The following KDM4C variants were observed in gnomAD, a reference collection of about 807,000 sequenced individuals.
The protein encoded by KDM4C is lysine demethylase 4C.
A neutral mutation model predicts 129.3 loss-of-function variants in KDM4C; 81 were observed. That is an observed-to-expected ratio of 0.63 (90% CI 0.52 to 0.75). The LOEUF (loss-of-function observed/expected upper bound fraction) is 0.75. KDM4C is among the 30% of genes least tolerant of loss of function. The probability of loss-of-function intolerance (pLI) is 0.00; values close to 1 mark genes in which losing one functional copy is unlikely to be tolerated. For synonymous variants in KDM4C, 573 were observed against 456.1 expected (o/e 1.26, Z -3.26); for missense variants, 1,457 against 1,304.0 (o/e 1.12, Z -1.81).
At position 7,102,427 on chromosome 9, in the gene KDM4C, C is replaced by T. The variant is rs148326036; in HGVS notation, c.2425-1258C>T. Among the ~76,000 whole-genome samples the T allele has an allele frequency of 5.0e-3, 732 of 146,872 alleles. 10 individuals are homozygous for T. The highest frequency in any genetic ancestry group is 0.017 in the African/African-American group (685 of 39,742). ...GAGATTCGTGTTGTAAAGAATCACT[C>T]GGGCAGCTTTGGGGAAGACAAATGG... is the stretch of plus-strand genomic sequence containing the variant. On this transcript the variant is annotated intron_variant, in intron 17 of 21. Coordinates refer to ENST00000381309, the MANE Select transcript of KDM4C (RefSeq NM_015061.6).
upstream of KDM4C, chr9:6,757,862 G>C (rs770991897): frequency 7.9e-5 from 78 of 985,530 alleles, no homozygotes; most frequent in Non-Finnish European, 9.0e-5. Flanking sequence ...CGCGGAAGTT[G>C]AGCCCAAAGC....
At chr9:6,822,899 T>G (rs1229368905) in intron 4 of KDM4C, among the ~76,000 whole-genome samples, 1 of 152,234 alleles carries the variant, frequency 6.6e-6, no homozygotes, top group Non-Finnish European at 1.5e-5. Flanking sequence ...TCTTTTTTTC[T>G]GTGTGTGAGA....
chr9:6,750,150 G>A (rs1441683826), intron 1 of KDM4C, among the ~76,000 whole-genome samples: 1 of 151,542 alleles, frequency 6.6e-6, no homozygotes, highest in African/African-American at 2.4e-5. Context: ...AGGTAAGACA[G>A]CTCTTCATGG....
rs187865432 is a variant in KDM4C at position 7,128,289 on chromosome 9, C to A, written c.2781+53C>A. The stretch of plus-strand genomic sequence containing the variant: ...ACCCAGAGTAATTTAAAAAAAAAAA[C>A]CAAAGTAACTGAGCCCTTCAGAATT... On this transcript the variant is annotated intron_variant, in intron 19 of 21. Coordinates refer to ENST00000381309, the MANE Select transcript of KDM4C (RefSeq NM_015061.6). 1.6e-3 allele frequency: 2,129 copies of A among 1,298,528 alleles called. 44 individuals are homozygous for A. The East Asian group carries it at 0.052, about 32-fold the overall frequency. The allele number at this position is 1,298,528 out of a possible 1,614,324, so 80.4% of individuals were successfully genotyped here.
chr9:6,767,034 CT>C (rs1273257117), intron 1 of KDM4C, among the ~76,000 whole-genome samples: 2 of 152,126 alleles, frequency 1.3e-5, no homozygotes, highest in African/African-American at 4.8e-5. Flanking sequence ...CCATCAGATA[CT>C]TTGAATGGTC....
intron 19 of KDM4C, among the ~76,000 whole-genome samples, chr9:7,133,949 G>A (rs182671783): frequency 7.7e-4 from 118 of 152,324 alleles, no homozygotes; most frequent in African/African-American, 2.7e-3. Flanking sequence ...AGGTAGCCAT[G>A]CATATATGGC....
Position 6,854,089 on chromosome 9 carries a change from T to C in KDM4C, c.629+4389T>C, listed in dbSNP as rs114736268. 6.9e-3 allele frequency among the ~76,000 whole-genome samples: 1,051 copies of C among 152,236 alleles called. 19 individuals are homozygous for C. Among genetic ancestry groups the C allele is most frequent in the African/African-American group, 0.024 (1,000 of 41,532 alleles). ...TGAACTTGGCCATAATGTATGTATT[T>C]ATAATAGAATAGGAGTTTCAGTGAT... On this transcript the variant is annotated intron_variant, in intron 5 of 21. Coordinates refer to ENST00000381309, the MANE Select transcript of KDM4C (RefSeq NM_015061.6).
In KDM4C at chr9:6,965,089, G is replaced by T. The variant is rs915759604; in HGVS notation, c.922-15836G>T. The stretch of plus-strand genomic sequence containing the variant: ...TAGAAAAATGGAAATTTCCAGGAGG[G>T]TGCTTTATAATGGCTTTGTTTCCCA... On this transcript the variant is annotated intron_variant, in intron 8 of 21. Coordinates refer to ENST00000381309, the MANE Select transcript of KDM4C (RefSeq NM_015061.6). 8.8e-4 allele frequency among the ~76,000 whole-genome samples: 134 copies of T among 152,008 alleles called. 1 individual carries two copies. The highest frequency in any genetic ancestry group is 3.1e-3 in the African/African-American group (128 of 41,488).
intron 8 of KDM4C, among the ~76,000 whole-genome samples, chr9:6,933,206 G>C (rs961269698): frequency 3.3e-5 from 5 of 152,326 alleles, no homozygotes; most frequent in Admixed American, 3.3e-4. Flanking sequence ...GGGAACAATA[G>C]GTATAGGATG....
intron 12 of KDM4C, among the ~76,000 whole-genome samples, chr9:6,991,948 T>C (rs1212778879): frequency 6.6e-6 from 1 of 152,182 alleles, no homozygotes; most frequent in Non-Finnish European, 1.5e-5. Flanking sequence ...GGTTGAATTC[T>C]GATTCAAGTA....
chr9:6,856,435 T>C (rs940537545), intron 5 of KDM4C, among the ~76,000 whole-genome samples: 1 of 152,334 alleles, frequency 6.6e-6, no homozygotes, highest in South Asian at 2.1e-4. Flanking sequence ...TAGAGAAATT[T>C]GCCCTTTACA....
chr9:7,034,008 CTT>C (rs144276405), intron 15 of KDM4C, among the ~76,000 whole-genome samples: 13 of 141,754 alleles, frequency 9.2e-5, no homozygotes, highest in Non-Finnish European at 1.1e-4. Flanking sequence ...AAATCATGTA[CTT>C]TTTTTTTTTT....
Position 6,808,479 on chromosome 9 carries a change from C to T in KDM4C, c.320+2705C>T, listed in dbSNP as rs372675019. Reference sequence around the variant, plus strand: ...GCGGTGCAAGATGTGCTTTGTTAAACAGATGCTTGAAGGCAGCATGCTCGT... The same window carrying T: ...GCGGTGCAAGATGTGCTTTGTTAAATAGATGCTTGAAGGCAGCATGCTCGT... On this transcript the variant is annotated intron_variant, in intron 3 of 21. Coordinates refer to ENST00000381309, the MANE Select transcript of KDM4C (RefSeq NM_015061.6). Among the ~76,000 whole-genome samples, 40 of 139,368 alleles carry T rather than the reference C, an allele frequency of 2.9e-4. No homozygotes were observed. In the East Asian group the frequency reaches 4.3e-3, roughly 15 times the overall value. 91.4% of individuals were successfully genotyped at this position (139,368 alleles called of 152,430 possible).
At chr9:6,729,072 G>A (rs1325184313) in intron 1 of KDM4C, among the ~76,000 whole-genome samples, 1 of 151,132 alleles carries the variant, frequency 6.6e-6, no homozygotes, top group African/African-American at 2.4e-5. Flanking sequence ...GGGTGAGGTG[G>A]TGGGTGTCTG....
At chr9:6,843,622 A>C (rs1470497732) in intron 4 of KDM4C, among the ~76,000 whole-genome samples, 1 of 152,170 alleles carries the variant, frequency 6.6e-6, no homozygotes, top group Non-Finnish European at 1.5e-5. Context: ...AAGGCGATTG[A>C]GAAACCATCA....
At chr9:7,146,266 T>C (rs1842206662) in intron 19 of KDM4C, among the ~76,000 whole-genome samples, 1 of 152,236 alleles carries the variant, frequency 6.6e-6, no homozygotes, top group Non-Finnish European at 1.5e-5. Context: ...TAATCATAGG[T>C]GATTATGATT....
At chr9:6,768,795 G>C (rs777545477) in intron 1 of KDM4C, among the ~76,000 whole-genome samples, 12 of 150,936 alleles carry the variant, frequency 8.0e-5, no homozygotes, top group Non-Finnish European at 1.5e-4. Flanking sequence ...TTTTTAAAGA[G>C]GGAGTTTCAC....
intron 5 of KDM4C, among the ~76,000 whole-genome samples, chr9:6,878,722 T>C (rs1430315200): frequency 1.3e-5 from 2 of 148,394 alleles, no homozygotes; most frequent in Admixed American, 1.3e-4. Flanking sequence ...CATATTCATA[T>C]TACATGTATG....
intron 15 of KDM4C, among the ~76,000 whole-genome samples, chr9:7,019,583 G>C (rs1724612034): frequency 6.6e-6 from 1 of 151,014 alleles, no homozygotes; most frequent in South Asian, 2.1e-4. Flanking sequence ...TCCTTTCATG[G>C]TAAGTGCTTT....
Sources: allele counts gnomAD v4.1 joint callset (sites outside exome capture counted in the v4.1 genomes callset), GRCh38; gene constraint gnomAD v4.1.1; transcripts MANE v1.5; gene names NCBI Gene and HGNC (gene_info 2026-07-23, HGNC 2026-07-21).